Variants in TTLL1 observed in about 807,000 individuals in gnomAD.
The protein encoded by TTLL1 is polyglutamylase complex subunit TTLL1.
TTLL1 carries 33 observed loss-of-function variants against 47.8 expected under a neutral mutation model. The ratio of observed to expected loss-of-function variants is 0.69; its 90% CI spans 0.52 to 0.92. TTLL1 has a LOEUF of 0.92. TTLL1 is among the 40% of genes least tolerant of loss of function. TTLL1 has a pLI of 0.00. For synonymous variants in TTLL1, 225 were observed against 214.1 expected (o/e 1.05, Z -0.45); for missense variants, 488 against 547.5 (o/e 0.89, Z 1.08).
intron 6 of TTLL1, 55 bp downstream of exon 6, chr22:43,064,135 G>T (rs1927571618): frequency 6.3e-7 from 1 of 1,587,518 alleles, no homozygotes; most frequent in African/African-American, 1.4e-5. Context: ...TAAGAAGAAA[G>T]ACGTTTTGGG....
At chr22:43,088,922 C>G (rs1929431294) in intron 1 of TTLL1, among the ~76,000 whole-genome samples, 1 of 152,156 alleles carries the variant, frequency 6.6e-6, no homozygotes, top group Non-Finnish European at 1.5e-5. Flanking sequence ...TGAGTTCTCT[C>G]CACAGGTACA....
Position 43,041,532 on chromosome 22 carries a change from C to CTTTTT in TTLL1, c.1143-1632_1143-1628dup, listed in dbSNP as rs112180579. ...GTGGGAAGAAAGCATTTTCTGATTCCTTTTTTTTTTTTTAAACGGTCACCC... is the reference window on the plus strand; with the variant it reads ...GTGGGAAGAAAGCATTTTCTGATTCCTTTTTTTTTTTTTTTTTTAAACGGTCACCC... On this transcript the variant is annotated intron_variant, in intron 10 of 10. Coordinates refer to ENST00000266254, the MANE Select transcript of TTLL1 (RefSeq NM_012263.5). Among the ~76,000 whole-genome samples, 412 of 140,290 alleles carry CTTTTT rather than the reference C, an allele frequency of 2.9e-3. 12 individuals carry two copies. Among genetic ancestry groups the CTTTTT allele is most frequent in the South Asian group, 0.01 (45 of 4,476 alleles). 92.0% of individuals were successfully genotyped at this position (140,290 alleles called of 152,430 possible).
intron 6 of TTLL1, 102 bp downstream of exon 6, chr22:43,064,088 C>T (rs763175692): frequency 1.1e-5 from 17 of 1,538,214 alleles, no homozygotes; most frequent in Admixed American, 5.9e-5. Context: ...TGCCAGGCAC[C>T]GCACATGCAC....
chr22:43,073,529 G>T (rs1025818142), intron 3 of TTLL1, among the ~76,000 whole-genome samples: 7 of 149,986 alleles, frequency 4.7e-5, no homozygotes, highest in Non-Finnish European at 7.4e-5. Context: ...GATAATTTTT[G>T]TATTTTTGTA....
At chr22:43,056,537 C>G (rs1274027163) in intron 8 of TTLL1, among the ~76,000 whole-genome samples, 1 of 145,262 alleles carries the variant, frequency 6.9e-6, no homozygotes, top group Non-Finnish European at 1.5e-5. Context: ...AATCCCAGCA[C>G]TTTTGGGAGG....
At chr22:43,041,389 G>C (rs1283317213) in intron 10 of TTLL1, 4 of 152,142 alleles carry the variant, frequency 2.6e-5, no homozygotes, top group Non-Finnish European at 5.9e-5. Context: ...TCTGTGATAA[G>C]CTTATTACCA....
chr22:43,086,305 T>C (rs548941081), intron 1 of TTLL1, among the ~76,000 whole-genome samples: 86 of 152,232 alleles, frequency 5.6e-4, no homozygotes, highest in African/African-American at 2.0e-3. Context: ...CAGCTCACAA[T>C]TGGAGTTGGG....
intron 10 of TTLL1, among the ~76,000 whole-genome samples, chr22:43,040,672 C>G (rs1308112141): frequency 6.6e-6 from 1 of 152,192 alleles, no homozygotes; most frequent in Admixed American, 6.5e-5. Context: ...TCTCGAACTC[C>G]TGACCTCAGG....
In TTLL1 at chr22:43,063,932, A is replaced by T. The variant is rs369063306; in HGVS notation, c.639-11T>A. ...AACCCAAGCTTGTACCTAGGAGGGA[A>T]TGTAGATTAATTCAAACTCTGAGGA... On this transcript the variant is annotated splice_polypyrimidine_tract_variant and intron_variant, in intron 6 of 10. Coordinates refer to ENST00000266254, the MANE Select transcript of TTLL1 (RefSeq NM_012263.5). 1.9e-6 allele frequency: 3 copies of T among 1,611,030 alleles called. No individual in the cohort carries two copies. The South Asian group carries it at 3.3e-5, about 18-fold the overall frequency.
Position 43,064,275 on chromosome 22 carries a change from T to C in TTLL1, c.553A>G (p.Asn185Asp). The change falls in exon 6 of 11, where the codon AAC (asparagine) becomes GAC (aspartate). Residue 185 changes from asparagine to aspartate, a missense_variant. Coordinates refer to ENST00000266254, the MANE Select transcript of TTLL1 (RefSeq NM_012263.5). ...KEAYVISLYI[N>D]NPLLIGGRKF... ...CTCCCGCCAATTAGTAACGGGTTGT[T>C]AATATAGAGAGAGATCACGTAGGCT... 1 of 1,614,100 alleles carries C rather than the reference T, an allele frequency of 6.2e-7. No homozygotes were observed.
chr22:43,081,029 C>T (rs1245086528), intron 1 of TTLL1, among the ~76,000 whole-genome samples: 1 of 148,360 alleles, frequency 6.7e-6, no homozygotes, highest in Non-Finnish European at 1.5e-5. Flanking sequence ...GATTCTTCTG[C>T]CTCAGCCTCT....
rs2272870 is a variant in TTLL1, at chr22:43,063,858, G to A, written c.702C>T (p.Asp234=). The A allele has an allele frequency of 0.067, 108,136 of 1,613,932 alleles. 4,358 individuals are homozygous for A. Among genetic ancestry groups the A allele is most frequent in the African/African-American group, 0.15 (11,596 of 74,986 alleles). ...VKYTPSTSEL[D]NMFVHLTNVA... Reference sequence around the variant, plus strand: ...CGTTGGTGAGATGAACGAACATGTTGTCCAGCTCACTGGTACTCGGGGTGT... The same window carrying A: ...CGTTGGTGAGATGAACGAACATGTTATCCAGCTCACTGGTACTCGGGGTGT... The change falls in exon 7 of 11, where the codon GAC becomes GAT. Residue 234 remains aspartate (D), a synonymous_variant. Coordinates refer to ENST00000266254, the MANE Select transcript of TTLL1 (RefSeq NM_012263.5).
chr22:43,058,321 C>T (rs1421700624), intron 8 of TTLL1, among the ~76,000 whole-genome samples: 1 of 152,084 alleles, frequency 6.6e-6, no homozygotes, highest in Non-Finnish European at 1.5e-5. Context: ...CAGATGTGCA[C>T]CTGCTTTAAC....
intron 8 of TTLL1, among the ~76,000 whole-genome samples, chr22:43,054,625 T>C (rs1403770149): frequency 1.3e-5 from 2 of 151,944 alleles, no homozygotes; most frequent in Non-Finnish European, 1.5e-5. Flanking sequence ...GATTTCACCA[T>C]GTTGGCCAGG....
At chr22:43,077,481 G>C (rs562615414) in intron 2 of TTLL1, among the ~76,000 whole-genome samples, 1 of 152,252 alleles carries the variant, frequency 6.6e-6, no homozygotes, top group African/African-American at 2.4e-5. Flanking sequence ...CCCTGCTGGG[G>C]GCCAGGGAGC....
intron 10 of TTLL1, among the ~76,000 whole-genome samples, chr22:43,045,851 G>A (rs970163356): frequency 6.6e-6 from 1 of 152,058 alleles, no homozygotes; most frequent in Non-Finnish European, 1.5e-5. Context: ...CGGCCAGCGG[G>A]GGCCTGGCAC....
chr22:43,080,902 CTTTTTTTTTTTTTTTTTT>C (rs10529079), intron 1 of TTLL1, among the ~76,000 whole-genome samples: 3 of 69,284 alleles, frequency 4.3e-5, no homozygotes, highest in Non-Finnish European at 7.9e-5. Flanking sequence ...TGTTGCATGA[CTTTTTTTTTTTTTTTTTT>C]TTTTTTTTTT....
At chr22:43,084,779 G>A (rs1181763045) in intron 1 of TTLL1, among the ~76,000 whole-genome samples, 2 of 151,916 alleles carry the variant, frequency 1.3e-5, no homozygotes, top group Non-Finnish European at 2.9e-5. Flanking sequence ...GGGATTACAG[G>A]CATGAGCCAC....
intron 1 of TTLL1, among the ~76,000 whole-genome samples, chr22:43,086,614 G>C (rs5751430): frequency 0.36 from 54,202 of 152,050 alleles, 11,514 homozygotes; most frequent in Non-Finnish European, 0.47. Context: ...AAGCTGTAAG[G>C]CCTGCCTGCA....
Sources: allele counts gnomAD v4.1 joint callset (sites outside exome capture counted in the v4.1 genomes callset), GRCh38; gene constraint gnomAD v4.1.1; transcripts MANE v1.5; gene names NCBI Gene and HGNC (gene_info 2026-07-23, HGNC 2026-07-21).